PTPRB: variants seen among roughly 807,000 people sequenced by gnomAD.
The protein encoded by PTPRB is protein tyrosine phosphatase receptor type B.
Under a neutral mutation model 238.1 loss-of-function variants are expected in PTPRB, and 97 were observed. That is an observed-to-expected ratio of 0.41 (90% confidence interval 0.35 to 0.48). PTPRB has a LOEUF of 0.48. PTPRB is among the 20% of genes least tolerant of loss of function. PTPRB has a pLI of 0.30. For synonymous variants in PTPRB, 970 were observed against 995.4 expected, an observed-to-expected ratio of 0.97 and a Z score of 0.48; for missense variants, 2,292 against 2,681.9, an observed-to-expected ratio of 0.85 and a Z score of 3.21.
intron 33 of PTPRB, among the ~76,000 whole-genome samples, chr12:70,523,634 C>T (rs533906775): frequency 6.6e-6 from 1 of 152,168 alleles, no homozygotes; most frequent in African/African-American, 2.4e-5. Context: ...GGAAGAGATA[C>T]CTTGTGAAAC....
chr12:70,613,942 G>A (rs1356464143), intron 3 of PTPRB, among the ~76,000 whole-genome samples: 1 of 152,086 alleles, frequency 6.6e-6, no homozygotes, highest in Non-Finnish European at 1.5e-5. Flanking sequence ...AAAAAAGAGG[G>A]AAGAGCAAAG....
intron 3 of PTPRB, among the ~76,000 whole-genome samples, chr12:70,617,761 A>T (rs1237406139): frequency 2.7e-5 from 4 of 150,656 alleles, no homozygotes. Flanking sequence ...GCCAAATAGA[A>T]GGAAACACAA....
At chr12:70,583,462 T>C (rs1343013916) in intron 9 of PTPRB, among the ~76,000 whole-genome samples, 1 of 152,160 alleles carries the variant, frequency 6.6e-6, no homozygotes, top group African/African-American at 2.4e-5. Context: ...ATGTAAGCTT[T>C]GATTTTATAG....
intron 31 of PTPRB, among the ~76,000 whole-genome samples, chr12:70,533,935 A>G (rs2136230222): frequency 6.6e-6 from 1 of 152,336 alleles, no homozygotes; most frequent in East Asian, 1.9e-4. Context: ...TCTATTATTT[A>G]TTATCCAGTC....
chr12:70,548,255 A>G (rs1208502610), intron 21 of PTPRB, among the ~76,000 whole-genome samples: 1 of 151,904 alleles, frequency 6.6e-6, no homozygotes, highest in Non-Finnish European at 1.5e-5. Context: ...TTGAATCTAA[A>G]AAGTGGAGGT....
At chr12:70,539,545 T>C in intron 26 of PTPRB, 80 bp downstream of exon 26, 1 of 1,158,584 alleles carries the variant, frequency 8.6e-7, no homozygotes, top group South Asian at 1.4e-5. Flanking sequence ...TCAATCAGCC[T>C]ATGATGACAC....
intron 21 of PTPRB, among the ~76,000 whole-genome samples, chr12:70,552,483 C>CA (rs60295837): frequency 0.016 from 2,009 of 122,306 alleles, 69 homozygotes; most frequent in Admixed American, 0.037. Context: ...GACTCTGTCT[C>CA]AAAAAAAAAA....
intron 14 of PTPRB, 65 bp from the exon 15 acceptor site, chr12:70,566,769 A>AG (rs2136355135): frequency 1.3e-6 from 2 of 1,527,594 alleles, no homozygotes; most frequent in Admixed American, 3.7e-5. Flanking sequence ...TCATCAATTG[A>AG]GAAAAACTCC....
chr12:70,607,548 C>CTTTTTTT (rs546758555), intron 4 of PTPRB, among the ~76,000 whole-genome samples: 3 of 137,112 alleles, frequency 2.2e-5, no homozygotes, highest in Non-Finnish European at 3.2e-5. Context: ...TTTTCCTTTT[C>CTTTTTTT]TTTTTTTTTT....
Position 70,539,621 on chromosome 12 carries a change from G to A in PTPRB, c.5778+4C>T, listed in dbSNP as rs1331260456. The A allele has an allele frequency of 6.5e-7, 1 of 1,532,890 alleles. No individual in the cohort carries two copies. 95.0% of individuals were successfully genotyped at this position (1,532,890 alleles called of 1,614,324 possible). A position where few individuals can be genotyped will look rare whatever the true frequency, so the allele number is the denominator to read the frequency against. On this transcript the variant is annotated splice_donor_region_variant and intron_variant, in intron 26 of 33. Coordinates refer to ENST00000334414, the MANE Select transcript of PTPRB (RefSeq NM_001109754.4). The stretch of plus-strand genomic sequence containing the variant: ...GCTGAAGCTTCATTCTGCCTGAGTT[G>A]TACCTCGTATTCCTTGGATAGAAGG...
chr12:70,540,288 A>G, intron 23 of PTPRB: 1 of 345,518 alleles, frequency 2.9e-6, no homozygotes, highest in Non-Finnish European at 5.2e-6. Flanking sequence ...CATTCTCAAT[A>G]AAACTTTGCT....
At chr12:70,556,574 A>C (rs1325861323) in intron 18 of PTPRB, among the ~76,000 whole-genome samples, 1 of 152,214 alleles carries the variant, frequency 6.6e-6, no homozygotes, top group Non-Finnish European at 1.5e-5. Flanking sequence ...CAGAAGAAGA[A>C]AGAAAGGAAC....
At chr12:70,527,763 T>A (rs1872628405) in intron 32 of PTPRB, 2 of 152,216 alleles carry the variant, frequency 1.3e-5, no homozygotes, top group South Asian at 4.1e-4. Context: ...ACTGTCACCA[T>A]GGACCCAGAA....
chr12:70,616,338 T>C (rs374497529), intron 3 of PTPRB, among the ~76,000 whole-genome samples: 2 of 152,342 alleles, frequency 1.3e-5, no homozygotes, highest in South Asian at 2.1e-4. Context: ...GTTATTTCCA[T>C]AGCATCTTCC....
intron 11 of PTPRB, among the ~76,000 whole-genome samples, chr12:70,572,775 T>TCAAAAAAAAAAAAAAAA (rs1377784572): frequency 1.1e-5 from 1 of 93,970 alleles, no homozygotes; most frequent in Non-Finnish European, 2.4e-5. Flanking sequence ...CTCCATCTCA[T>TCAAAAAAAAAAAAAAAA]AAAAAAAAAA....
chr12:70,531,544 A>C (rs906826496), intron 32 of PTPRB, among the ~76,000 whole-genome samples: 3 of 152,270 alleles, frequency 2.0e-5, no homozygotes, highest in South Asian at 4.1e-4. Flanking sequence ...GCTTTGTGCA[A>C]AGCCCTTAAG....
At chr12:70,532,011 T>G (rs750487248) in intron 32 of PTPRB, 24 bp downstream of exon 32, 1 of 1,613,876 alleles carries the variant, frequency 6.2e-7, no homozygotes, top group East Asian at 2.2e-5. Flanking sequence ...GGGTGGCCTG[T>G]AACTTTCAGT....
intron 23 of PTPRB, chr12:70,540,232 A>G (rs193182490): frequency 2.1e-6 from 1 of 470,852 alleles, no homozygotes; most frequent in Admixed American, 3.7e-5. Context: ...GCAAAAACTG[A>G]AGATTTGTCT....
chr12:70,544,224 C>G (rs1875612978), intron 22 of PTPRB, among the ~76,000 whole-genome samples: 1 of 152,024 alleles, frequency 6.6e-6, no homozygotes, highest in South Asian at 2.1e-4. Flanking sequence ...TATATACATT[C>G]TCACTTTTAA....
Sources: allele counts gnomAD v4.1 joint callset (sites outside exome capture counted in the v4.1 genomes callset), GRCh38; gene constraint gnomAD v4.1.1; transcripts MANE v1.5; gene names NCBI Gene and HGNC (gene_info 2026-07-23, HGNC 2026-07-21).